Variants in PHF24 observed in about 807,000 individuals in gnomAD.
PHF24 encodes Galpha inhibitory interacting protein.
Under a neutral mutation model 42.6 loss-of-function variants are expected in PHF24, and 25 were observed. That is an observed-to-expected ratio of 0.59 (90% CI 0.43 to 0.82). PHF24 has a LOEUF of 0.82. Ranked by LOEUF, PHF24 falls within the 40% of genes least tolerant of loss-of-function variation. The pLI is 0.00. For synonymous variants in PHF24, 185 were observed against 204.8 expected, an observed-to-expected ratio of 0.90 and a Z score of 0.83; for missense variants, 470 against 538.1, an observed-to-expected ratio of 0.87 and a Z score of 1.25.
chr9:34,749,439 T>C, the PHF24 span, among the ~76,000 whole-genome samples: 3 of 152,078 alleles, frequency 2.0e-5, no homozygotes, highest in Non-Finnish European at 4.4e-5. Context: ...GTCAAGGATA[T>C]ATAAAGGATC....
the PHF24 span, among the ~76,000 whole-genome samples, chr9:34,870,261 A>C: frequency 6.6e-6 from 1 of 152,194 alleles, no homozygotes; most frequent in South Asian, 2.1e-4. Context: ...ACTCTTGGGG[A>C]AGTGTGCATT....
chr9:34,937,765 G>A, the PHF24 span, among the ~76,000 whole-genome samples: 1 of 152,158 alleles, frequency 6.6e-6, no homozygotes, highest in Admixed American at 6.5e-5. Context: ...GGAAGAACCT[G>A]GCTAGCCCTG....
chr9:34,871,902 G>T, the PHF24 span, among the ~76,000 whole-genome samples: 1 of 152,100 alleles, frequency 6.6e-6, no homozygotes, highest in Non-Finnish European at 1.5e-5. Flanking sequence ...GAAGCAATTT[G>T]TCATTATCCA....
At chr9:34,785,749 T>C in the PHF24 span, among the ~76,000 whole-genome samples, 1 of 152,242 alleles carries the variant, frequency 6.6e-6, no homozygotes, top group Admixed American at 6.5e-5. Context: ...CTTTATACTT[T>C]AGCCTTTAAT....
At chr9:34,838,247 T>C in the PHF24 span, 2 of 636,404 alleles carry the variant, frequency 3.1e-6, no homozygotes, top group South Asian at 3.8e-5. Flanking sequence ...GGCATAAAAA[T>C]TGGGGGAGAG....
At chr9:34,837,497 C>T in the PHF24 span, 4 of 599,064 alleles carry the variant, frequency 6.7e-6, no homozygotes, top group Non-Finnish European at 1.2e-5. Flanking sequence ...TGGAACGTTT[C>T]CAAGGTAAGA....
the PHF24 span, among the ~76,000 whole-genome samples, chr9:34,859,579 T>C: frequency 6.6e-6 from 1 of 152,014 alleles, no homozygotes; most frequent in African/African-American, 2.4e-5. Context: ...TTTTTGATGT[T>C]TCTGTGGAAG....
the PHF24 span, among the ~76,000 whole-genome samples, chr9:34,810,656 G>C: frequency 4.9e-4 from 75 of 152,350 alleles, 1 homozygote; most frequent in African/African-American, 1.8e-3. Context: ...GGATCCATGA[G>C]TGACTTCCCA....
At chr9:34,756,848 T>C in the PHF24 span, among the ~76,000 whole-genome samples, 1 of 151,884 alleles carries the variant, frequency 6.6e-6, no homozygotes, top group Non-Finnish European at 1.5e-5. Context: ...TCTGTGAGCA[T>C]GGAATGTCTT....
the PHF24 span, among the ~76,000 whole-genome samples, chr9:34,798,457 C>A: frequency 6.6e-6 from 1 of 152,158 alleles, no homozygotes; most frequent in African/African-American, 2.4e-5. Context: ...CAAGTGAGAA[C>A]ATATATTATT....
At chr9:34,982,317 G>A (rs1299555996) in exon 8 of PHF24, 1 of 152,208 alleles carries the variant, frequency 6.6e-6, no homozygotes, top group Non-Finnish European at 1.5e-5. Flanking sequence ...GAGAACACTT[G>A]AGCAACACTT....
chr9:34,926,344 G>A, the PHF24 span, among the ~76,000 whole-genome samples: 1 of 152,188 alleles, frequency 6.6e-6, no homozygotes, highest in Non-Finnish European at 1.5e-5. The surrounding 1 kb of genome is among the most constrained non-coding windows in gnomAD (Gnocchi z 4.3). Flanking sequence ...GTGTAAGGCT[G>A]CTCAGCTGAC....
At chr9:34,726,630 G>C in the PHF24 span, 1 of 1,551,754 alleles carries the variant, frequency 6.4e-7, no homozygotes, top group South Asian at 1.2e-5. Flanking sequence ...TCCTGCCCTA[G>C]CTGGAGGTGA....
chr9:34,760,562 C>A, the PHF24 span, among the ~76,000 whole-genome samples: 5 of 152,152 alleles, frequency 3.3e-5, no homozygotes, highest in Non-Finnish European at 7.4e-5. Flanking sequence ...TGTCAGGCAG[C>A]AAAACCACCG....
At chr9:34,816,782 G>A in the PHF24 span, among the ~76,000 whole-genome samples, 2 of 152,260 alleles carry the variant, frequency 1.3e-5, no homozygotes, top group South Asian at 2.1e-4. Context: ...TGGAGTAGAC[G>A]TTTCTTCTTC....
At chr9:34,922,731 C>T in the PHF24 span, 4 of 1,581,362 alleles carry the variant, frequency 2.5e-6, no homozygotes, top group Non-Finnish European at 3.4e-6. Flanking sequence ...TTGTTCAATA[C>T]TTGAGACGAT....
At chr9:34,780,904 G>A in the PHF24 span, among the ~76,000 whole-genome samples, 85,524 of 152,002 alleles carry the variant, frequency 0.56, 25,047 homozygotes, top group Non-Finnish European at 0.65. Context: ...CAAAACCACA[G>A]TAAGGTACCC....
the PHF24 span, among the ~76,000 whole-genome samples, chr9:34,694,946 G>T: frequency 7.2e-5 from 11 of 152,018 alleles, no homozygotes; most frequent in South Asian, 2.1e-4. Flanking sequence ...TATATATCTG[G>T]TCTTCATCTT....
chr9:34,723,854 G>A, the PHF24 span: 1 of 1,551,580 alleles, frequency 6.4e-7, no homozygotes, highest in African/African-American at 1.4e-5. Context: ...TTTCTCCCCA[G>A]GGACTCGTGG....
Sources: gnomAD v4.1 joint callset for allele counts (sites outside exome capture counted in the v4.1 genomes callset) on GRCh38, gnomAD v4.1.1 for gene constraint, Gnocchi (gnomAD v3.1) non-coding constraint, MANE v1.5 for transcripts, NCBI Gene and HGNC (gene_info 2026-07-23, HGNC 2026-07-21) for gene names.